Variants in CHN2 observed in about 807,000 individuals in gnomAD.
CHN2 encodes the protein chimerin 2, also known as beta-chimaerin.
CHN2 carries 35 observed loss-of-function variants against 56.3 expected under a neutral mutation model. That is an observed-to-expected ratio of 0.62 (90% confidence interval 0.47 to 0.82). The LOEUF (loss-of-function observed/expected upper bound fraction) is 0.82, where lower values mean the gene tolerates loss of function less well. CHN2 is among the 40% of genes least tolerant of loss of function. The pLI, the probability that CHN2 is intolerant of heterozygous loss-of-function variation, is 0.00. For synonymous variants in CHN2, 210 were observed against 212.8 expected (o/e 0.99, Z 0.12); for missense variants, 491 against 580.5 (o/e 0.85, Z 1.58).
chr7:29,192,838 G>A (rs1204125954), upstream of CHN2: 1 of 152,206 alleles, frequency 6.6e-6, no homozygotes, highest in Non-Finnish European at 1.5e-5. Context: ...ATTCTACCGG[G>A]CGACATAGCC....
chr7:29,192,028 C>G (rs2128755394), upstream of CHN2: 1 of 151,522 alleles, frequency 6.6e-6, no homozygotes, highest in African/African-American at 2.4e-5. Context: ...CTTTATCAAT[C>G]CAGATGATCA....
At chr7:29,450,827 G>A (rs894953369) in intron 6 of CHN2, among the ~76,000 whole-genome samples, 15 of 151,444 alleles carry the variant, frequency 9.9e-5, no homozygotes, top group African/African-American at 3.6e-4. Flanking sequence ...GCTGGTGTGC[G>A]GTGGTGTAAT....
chr7:29,491,075 T>G (rs1191979245), intron 7 of CHN2, among the ~76,000 whole-genome samples: 1 of 152,156 alleles, frequency 6.6e-6, no homozygotes, highest in Non-Finnish European at 1.5e-5. Flanking sequence ...AGCTCAAAAT[T>G]ATATACTTCT....
intron 6 of CHN2, among the ~76,000 whole-genome samples, chr7:29,470,432 A>G (rs866126387): frequency 1.3e-5 from 2 of 152,228 alleles, no homozygotes; most frequent in African/African-American, 4.8e-5. Context: ...GTGATTGTTC[A>G]CTGTAAAAAG....
At chr7:29,401,163 G>C (rs1363141839) in intron 6 of CHN2, 1 of 255,314 alleles carries the variant, frequency 3.9e-6, no homozygotes, top group Non-Finnish European at 7.6e-6. Context: ...AGTTACTTGG[G>C]AGGCTGAGGC....
intron 6 of CHN2, among the ~76,000 whole-genome samples, chr7:29,457,496 C>T (rs1266137944): frequency 6.6e-6 from 1 of 152,188 alleles, no homozygotes; most frequent in Non-Finnish European, 1.5e-5. Flanking sequence ...GTCACACTCA[C>T]TCACATAACA....
chr7:29,340,383 T>C (rs1384863994), intron 1 of CHN2, among the ~76,000 whole-genome samples: 1 of 139,528 alleles, frequency 7.2e-6, no homozygotes, highest in African/African-American at 2.6e-5. Flanking sequence ...CACACTGCCT[T>C]CTGCAGGGGG....
chr7:29,306,146 C>G (rs1794141861), intron 1 of CHN2, among the ~76,000 whole-genome samples: 1 of 152,082 alleles, frequency 6.6e-6, no homozygotes. Context: ...GTTATGGAAG[C>G]TGGTATGTGA....
At chr7:29,425,620 G>C (rs1174328480) in intron 6 of CHN2, among the ~76,000 whole-genome samples, 2 of 152,106 alleles carry the variant, frequency 1.3e-5, no homozygotes, top group East Asian at 3.8e-4. Context: ...TAGCAGAAGT[G>C]GGGTATTCGG....
At chr7:29,307,227 T>C (rs1035555922) in intron 1 of CHN2, among the ~76,000 whole-genome samples, 7 of 152,242 alleles carry the variant, frequency 4.6e-5, no homozygotes, top group African/African-American at 7.2e-5. Context: ...TATACATTTT[T>C]AAAAGCCTAA....
At chr7:29,208,465 C>A (rs1784682953) in intron 1 of CHN2, among the ~76,000 whole-genome samples, 1 of 152,190 alleles carries the variant, frequency 6.6e-6, no homozygotes, top group Non-Finnish European at 1.5e-5. Flanking sequence ...CTCTGTTGTT[C>A]TGTGTCTTCC....
chr7:29,511,803 TAAAGTTGTGA>T (rs1791458080), intron 12 of CHN2, among the ~76,000 whole-genome samples: 1 of 150,202 alleles, frequency 6.7e-6, no homozygotes, highest in Admixed American at 6.7e-5. Context: ...TTCTAAAACT[TAAAGTTGTGA>T]AAACAAAACT....
chr7:29,419,371 A>G (rs1390051918), intron 6 of CHN2, among the ~76,000 whole-genome samples: 2 of 152,206 alleles, frequency 1.3e-5, no homozygotes, highest in Non-Finnish European at 2.9e-5. Context: ...ACCTAAAATT[A>G]TAGAACTCCT....
intron 1 of CHN2, among the ~76,000 whole-genome samples, chr7:29,259,394 T>C (rs1789364690): frequency 6.6e-6 from 1 of 151,690 alleles, no homozygotes; most frequent in Non-Finnish European, 1.5e-5. Flanking sequence ...AAGATCTCTA[T>C]GTGTGAGTGT....
intron 1 of CHN2, among the ~76,000 whole-genome samples, chr7:29,217,278 A>G (rs1785417637): frequency 6.6e-6 from 1 of 152,216 alleles, no homozygotes; most frequent in Non-Finnish European, 1.5e-5. Context: ...TACCACTGCC[A>G]TTGCTTCAAC....
intron 2 of CHN2, among the ~76,000 whole-genome samples, chr7:29,161,412 CT>C (rs1377568394): frequency 6.6e-6 from 1 of 152,004 alleles, no homozygotes; most frequent in Non-Finnish European, 1.5e-5. Context: ...CATGCAGCAA[CT>C]TTCACAATCT....
At chr7:29,456,369 C>T (rs939819694) in intron 6 of CHN2, among the ~76,000 whole-genome samples, 17 of 152,120 alleles carry the variant, frequency 1.1e-4, no homozygotes, top group East Asian at 1.9e-4. Flanking sequence ...GTGTGTTAGA[C>T]GTCATTAGCT....
At chr7:29,183,171 G>C (rs779426211) in intron 2 of CHN2, among the ~76,000 whole-genome samples, 1 of 147,878 alleles carries the variant, frequency 6.8e-6, no homozygotes, top group Non-Finnish European at 1.5e-5. Flanking sequence ...TGTAACCTCC[G>C]CCTCCCAGGT....
intron 6 of CHN2, among the ~76,000 whole-genome samples, chr7:29,447,807 A>C (rs1337686464): frequency 6.6e-6 from 1 of 152,208 alleles, no homozygotes; most frequent in African/African-American, 2.4e-5. Context: ...GTGCACTTAA[A>C]ATATGTGCTG....
Sources: gnomAD v4.1 joint callset for allele counts (sites outside exome capture counted in the v4.1 genomes callset) on GRCh38, gnomAD v4.1.1 for gene constraint, MANE v1.5 for transcripts, NCBI Gene and HGNC (gene_info 2026-07-23, HGNC 2026-07-21) for gene names.